LCA5: variants seen among roughly 807,000 people sequenced by gnomAD.
LCA5 encodes the protein lebercilin.
In LCA5, 37 loss-of-function variants were observed where a neutral mutation model predicts 53.0. The observed-to-expected ratio is 0.70, with a 90% CI of 0.54 to 0.92. The LOEUF (loss-of-function observed/expected upper bound fraction) is 0.92, where lower values mean the gene tolerates loss of function less well. Among genes scored for constraint, LCA5 ranks in the 40% least tolerant of loss-of-function variants. The probability of loss-of-function intolerance (pLI) is 0.00; values close to 1 mark genes in which losing one functional copy is unlikely to be tolerated. For synonymous variants in LCA5, 303 were observed against 282.9 expected, an observed-to-expected ratio of 1.07 and a Z score of -0.71; for missense variants, 806 against 790.5, an observed-to-expected ratio of 1.02 and a Z score of -0.23.
chr6:79,512,412 T>C (rs752806785), intron 3 of LCA5, among the ~76,000 whole-genome samples: 4 of 151,812 alleles, frequency 2.6e-5, no homozygotes, highest in Non-Finnish European at 5.9e-5. Flanking sequence ...ATAATGGGCA[T>C]GGCATATTAT....
intron 3 of LCA5, among the ~76,000 whole-genome samples, chr6:79,512,304 A>G (rs1456791166): frequency 1.3e-5 from 2 of 152,044 alleles, no homozygotes; most frequent in Non-Finnish European, 2.9e-5. Context: ...ACAGAAGACA[A>G]TAGTTGCAAA....
At chr6:79,492,307 A>C (rs1199618538) in intron 5 of LCA5, among the ~76,000 whole-genome samples, 1 of 152,022 alleles carries the variant, frequency 6.6e-6, no homozygotes, top group Non-Finnish European at 1.5e-5. Flanking sequence ...ACATTAAAAA[A>C]TTATAATAAG....
intron 5 of LCA5, among the ~76,000 whole-genome samples, 200 bp from the exon 6 acceptor site, chr6:79,491,930 C>T (rs1769856529): frequency 6.6e-6 from 1 of 151,872 alleles, no homozygotes; most frequent in Non-Finnish European, 1.5e-5. Flanking sequence ...TTTTGCTCAG[C>T]TTGGTTAATA....
intron 6 of LCA5, among the ~76,000 whole-genome samples, chr6:79,489,718 G>A (rs897357907): frequency 3.3e-5 from 5 of 151,976 alleles, no homozygotes; most frequent in Admixed American, 6.6e-5. Flanking sequence ...CTATGGTAAC[G>A]TTCAAATATA....
Position 79,491,585 on chromosome 6 carries a change from C to A in LCA5, c.1098+3G>T, listed in dbSNP as rs200194617. On this transcript the variant is annotated splice_donor_region_variant and intron_variant, in intron 6 of 7. Transcript: ENST00000369846. ...TGGTACATAACAATACTGCTAAACT[C>A]ACCAAAGTAAGATGTCCTGGTTCTT... 24 of 1,612,478 alleles carry A rather than the reference C, an allele frequency of 1.5e-5. No homozygotes were observed. Among genetic ancestry groups the A allele is most frequent in the Non-Finnish European group, 1.9e-5 (22 of 1,178,864 alleles).
At chr6:79,534,418 T>C (rs1414444598) in intron 1 of LCA5, among the ~76,000 whole-genome samples, 1 of 152,210 alleles carries the variant, frequency 6.6e-6, no homozygotes, top group Admixed American at 6.5e-5. Context: ...TGTTCATTCA[T>C]TCATTTATTC....
intron 1 of LCA5, among the ~76,000 whole-genome samples, chr6:79,523,549 T>C (rs947261485): frequency 6.6e-6 from 1 of 152,242 alleles, no homozygotes; most frequent in East Asian, 1.9e-4. Context: ...AACAATTATA[T>C]TAGCAATTCA....
At chr6:79,518,354 C>T (rs761141904) in intron 2 of LCA5, among the ~76,000 whole-genome samples, 6 of 151,852 alleles carry the variant, frequency 4.0e-5, no homozygotes, top group African/African-American at 7.3e-5. Flanking sequence ...TTTCTACTTT[C>T]AAAAAATGAA....
intron 3 of LCA5, among the ~76,000 whole-genome samples, chr6:79,499,007 T>C (rs1562099201): frequency 6.6e-6 from 1 of 152,110 alleles, no homozygotes; most frequent in Non-Finnish European, 1.5e-5. Context: ...AAAAGGAATT[T>C]AGCAATGTGT....
At chr6:79,498,570 A>G (rs1255854291) in intron 3 of LCA5, among the ~76,000 whole-genome samples, 2 of 152,156 alleles carry the variant, frequency 1.3e-5, no homozygotes, top group African/African-American at 2.4e-5. Context: ...CAACTACTAA[A>G]AAGTGTTGCC....
At position 79,486,986 on chromosome 6, in the gene LCA5, A is replaced by G. The variant is rs952134199; in HGVS notation, c.*18T>C. 3 of 1,594,970 alleles carry G rather than the reference A, an allele frequency of 1.9e-6. No homozygotes were observed. In the African/African-American group the frequency reaches 4.0e-5, roughly 21 times the overall value. On this transcript the variant is annotated 3_prime_UTR_variant, in exon 8 of 8. Transcript: ENST00000369846. ...TATTTCAATATTTACAATTAGAAAA[A>G]ATGTATACTCTAGTCAGTCATCTCA...
At chr6:79,509,091 C>G (rs1265632612) in intron 3 of LCA5, among the ~76,000 whole-genome samples, 1 of 152,020 alleles carries the variant, frequency 6.6e-6, no homozygotes, top group African/African-American at 2.4e-5. Flanking sequence ...GGCTACACTC[C>G]CCCCATCCCC....
intron 1 of LCA5, among the ~76,000 whole-genome samples, chr6:79,528,595 A>G (rs1454061394): frequency 6.6e-6 from 1 of 152,190 alleles, no homozygotes; most frequent in Non-Finnish European, 1.5e-5. Context: ...TGTTAACTCA[A>G]TAGGAGTCCC....
At chr6:79,525,018 C>T (rs1013957543) in intron 1 of LCA5, 2 of 151,640 alleles carry the variant, frequency 1.3e-5, no homozygotes, top group South Asian at 4.2e-4. Flanking sequence ...AAAATTATGC[C>T]AATATCTTCA....
intron 2 of LCA5, 129 bp downstream of exon 2, chr6:79,518,576 C>T (rs1035104650): frequency 4.0e-5 from 33 of 819,044 alleles, no homozygotes; most frequent in East Asian, 1.8e-4. Flanking sequence ...ACCTATAAAA[C>T]GTAAATCAGC....
Position 79,487,637 on chromosome 6 carries a change from A to G in LCA5, c.1461T>C (p.Pro487=), listed in dbSNP as rs1259653080. ...CAAAATCAGGTAACAATGGCAAAAC[A>G]GGGTATTTTAGATTTCGAGAATCTT... ...ELQDSRNLKY[P]VLPLLPDFES... Residue 487 remains proline (P), a synonymous_variant, in exon 8 of 8, where the codon CCT becomes CCC. Coordinates refer to ENST00000369846, the MANE Select transcript of LCA5 (RefSeq NM_001122769.3). 6.2e-7 allele frequency: 1 copy of G among 1,614,044 alleles called. No individual in the cohort carries two copies. Among genetic ancestry groups the G allele is most frequent in the East Asian group, 2.2e-5 (1 of 44,866 alleles).
At chr6:79,491,835 C>A in intron 5 of LCA5, 105 bp from the exon 6 acceptor site, 18 of 917,474 alleles carry the variant, frequency 2.0e-5, no homozygotes, top group Non-Finnish European at 3.1e-5. Flanking sequence ...TTTGCATATA[C>A]ATGTACATTT....
intron 7 of LCA5, chr6:79,488,838 T>C (rs528813662): frequency 1.9e-6 from 1 of 528,178 alleles, no homozygotes; most frequent in East Asian, 3.0e-5. Context: ...ATTTTCTGAA[T>C]GCAACTTGTC....
At chr6:79,491,494 T>C in intron 6 of LCA5, 94 bp downstream of exon 6, 1 of 1,275,910 alleles carries the variant, frequency 7.8e-7, no homozygotes, top group Non-Finnish European at 1.1e-6. Flanking sequence ...GATATAGTAC[T>C]AGCTTCATTA....
Sources: gnomAD v4.1 joint callset for allele counts (sites outside exome capture counted in the v4.1 genomes callset) on GRCh38, gnomAD v4.1.1 for gene constraint, MANE v1.5 for transcripts, NCBI Gene and HGNC (gene_info 2026-07-23, HGNC 2026-07-21) for gene names.